The following KANK1 variants were observed in gnomAD, a reference collection of about 807,000 sequenced individuals.
KANK1 encodes the protein KN motif and ankyrin repeat domain-containing protein 1.
Under a neutral mutation model 106.2 loss-of-function variants are expected in KANK1, and 109 were observed. The observed-to-expected ratio is 1.03, with a 90% CI of 0.88 to 1.20. KANK1 has a LOEUF of 1.20. Ranked by LOEUF, KANK1 falls within the 50% of genes most tolerant of loss-of-function variation. The pLI is 0.00. For synonymous variants in KANK1, 873 were observed against 652.2 expected (o/e 1.34, Z -5.16); for missense variants, 2,399 against 1,710.7 (o/e 1.40, Z -7.10).
chr9:658,638 T>G (rs1215755059), intron 1 of KANK1, among the ~76,000 whole-genome samples: 1 of 152,152 alleles, frequency 6.6e-6, no homozygotes, highest in Non-Finnish European at 1.5e-5. Flanking sequence ...TAAGATTCAT[T>G]TGGAATTAAC....
At chr9:695,741 A>G (rs1821105354) in intron 2 of KANK1, among the ~76,000 whole-genome samples, 1 of 152,148 alleles carries the variant, frequency 6.6e-6, no homozygotes, top group Admixed American at 6.5e-5. Flanking sequence ...CCATTGTTCT[A>G]AGTGACAACA....
chr9:558,005 AAAAC>A lies in KANK1; in HGVS notation c.-84+53264_-84+53267del, dbSNP rs957185300. The stretch of plus-strand genomic sequence containing the variant: ...GGGTGACAGAGCAAGACTCTCTCAA[AAAAC>A]AAACAAACAAACCTATACGAACAAT... On this transcript the variant is annotated intron_variant, in intron 1 of 11. Transcript: ENST00000382297. Among the ~76,000 whole-genome samples, 605 of 152,312 alleles carry A rather than the reference AAAAC, an allele frequency of 4.0e-3. 11 individuals carry two copies. The highest frequency in any genetic ancestry group is 0.014 in the African/African-American group (593 of 41,578).
intron 1 of KANK1, among the ~76,000 whole-genome samples, chr9:606,156 C>G (rs1189903449): frequency 6.6e-6 from 1 of 150,574 alleles, no homozygotes; most frequent in African/African-American, 2.5e-5. Context: ...CACACACACA[C>G]ACACACACAC....
At chr9:604,279 G>A (rs77829589) in intron 1 of KANK1, among the ~76,000 whole-genome samples, 7,423 of 151,736 alleles carry the variant, frequency 0.049, 258 homozygotes, top group African/African-American at 0.059. Context: ...TACTGGTGAT[G>A]TGGTTTGGCT....
intron 1 of KANK1, among the ~76,000 whole-genome samples, chr9:648,972 C>T (rs1218679865): frequency 2.6e-5 from 4 of 152,078 alleles, no homozygotes; most frequent in African/African-American, 7.2e-5. Flanking sequence ...ACTCTCATTC[C>T]AGAAATCATT....
intron 1 of KANK1, among the ~76,000 whole-genome samples, chr9:670,094 T>A (rs1415950270): frequency 1.3e-5 from 2 of 152,188 alleles, no homozygotes; most frequent in South Asian, 4.1e-4. Context: ...CTTCAATCTC[T>A]GTTAAATTCC....
intron 1 of KANK1, among the ~76,000 whole-genome samples, chr9:623,030 A>G (rs533062867): frequency 4.6e-5 from 7 of 152,326 alleles, no homozygotes; most frequent in Non-Finnish European, 1.0e-4. Context: ...CTCAAAGCAC[A>G]GGCAACAAAA....
intron 2 of KANK1, among the ~76,000 whole-genome samples, chr9:682,354 C>T (rs767571282): frequency 4.6e-5 from 7 of 151,898 alleles, no homozygotes; most frequent in Non-Finnish European, 1.0e-4. Flanking sequence ...AGAAGAATTA[C>T]TCAAAATTCC....
chr9:584,481 G>T (rs1822963850), intron 1 of KANK1, among the ~76,000 whole-genome samples: 1 of 152,102 alleles, frequency 6.6e-6, no homozygotes, highest in Non-Finnish European at 1.5e-5. Flanking sequence ...AATTACATAG[G>T]TTATCCAAAG....
chr9:543,987 T>C (rs1267857385), intron 1 of KANK1, among the ~76,000 whole-genome samples: 3 of 152,110 alleles, frequency 2.0e-5, no homozygotes, highest in Non-Finnish European at 2.9e-5. Flanking sequence ...TTAGTAAATA[T>C]AACATTTCAT....
rs146236888 is a variant in KANK1, at chr9:509,447, C to T, written c.-84+4693C>T. On this transcript the variant is annotated intron_variant, in intron 1 of 11. Transcript: ENST00000382297. ...ACTAATTATTTGTTGTCTTCACTTC[C>T]AGTGCTTTTCCATGTCTGTTCATGT... 7.2e-4 allele frequency among the ~76,000 whole-genome samples: 110 copies of T among 152,308 alleles called. 1 individual carries two copies. The highest frequency in any genetic ancestry group is 2.1e-3 in the South Asian group (10 of 4,828).
chr9:513,045 A>G (rs1179773049), intron 1 of KANK1, among the ~76,000 whole-genome samples: 2 of 152,306 alleles, frequency 1.3e-5, no homozygotes. Context: ...AGCAGCTTCA[A>G]ATGGTTGAGG....
chr9:543,821 T>C (rs529117540), intron 1 of KANK1, among the ~76,000 whole-genome samples: 14 of 152,294 alleles, frequency 9.2e-5, no homozygotes, highest in African/African-American at 3.4e-4. Flanking sequence ...TTAATTTCTA[T>C]GCCTGTTGTT....
intron 1 of KANK1, among the ~76,000 whole-genome samples, chr9:576,760 G>GT (rs143072782): frequency 0.084 from 12,408 of 147,828 alleles, 667 homozygotes; most frequent in Middle Eastern, 0.14. Flanking sequence ...GAGGGACCTT[G>GT]TTTTTTTTTT....
At chr9:642,138 G>T (rs766921816) in intron 1 of KANK1, among the ~76,000 whole-genome samples, 1 of 152,084 alleles carries the variant, frequency 6.6e-6, no homozygotes, top group Non-Finnish European at 1.5e-5. Flanking sequence ...ATTTCTGTGC[G>T]GATTAAACCA....
At chr9:470,508 G>C (rs1353440592) in intron 1 of KANK1, 1 of 152,444 alleles carries the variant, frequency 6.6e-6, no homozygotes, top group Non-Finnish European at 1.5e-5. Context: ...AATCTCCTTC[G>C]TGAGGGAACC....
At chr9:708,562 C>A (rs1166304270) in intron 2 of KANK1, among the ~76,000 whole-genome samples, 1 of 152,092 alleles carries the variant, frequency 6.6e-6, no homozygotes, top group Non-Finnish European at 1.5e-5. Flanking sequence ...CTTTTTATTC[C>A]TCTGCTTGGC....
chr9:739,965 T>A (rs912497565), intron 8 of KANK1, among the ~76,000 whole-genome samples: 1 of 152,180 alleles, frequency 6.6e-6, no homozygotes, highest in African/African-American at 2.4e-5. Flanking sequence ...TAAAAACATG[T>A]CCTTAGTATG....
intron 1 of KANK1, among the ~76,000 whole-genome samples, chr9:569,154 C>G (rs1818558144): frequency 6.6e-6 from 1 of 151,742 alleles, no homozygotes; most frequent in African/African-American, 2.4e-5. Flanking sequence ...GCCCACCTGC[C>G]TTCCTTTCTT....
Sources: allele counts gnomAD v4.1 joint callset (sites outside exome capture counted in the v4.1 genomes callset), GRCh38; gene constraint gnomAD v4.1.1; transcripts MANE v1.5; gene names NCBI Gene and HGNC (gene_info 2026-07-23, HGNC 2026-07-21).